The following ATG4B variants were observed in gnomAD, a reference collection of about 807,000 sequenced individuals.
The protein encoded by ATG4B is autophagy related 4B cysteine peptidase.
Under a neutral mutation model 56.6 loss-of-function variants are expected in ATG4B, and 29 were observed. The observed-to-expected ratio is 0.51, with a 90% CI of 0.38 to 0.70. ATG4B has a LOEUF of 0.70. Ranked by LOEUF, ATG4B falls within the 30% of genes least tolerant of loss-of-function variation. The pLI is 0.00. For missense variants in ATG4B, 461 were observed against 515.5 expected (o/e 0.89, Z 1.02); for synonymous variants, 224 against 206.1 (o/e 1.09, Z -0.74).
chr2:241,659,254 C>T (rs986812949), intron 7 of ATG4B, 67 bp downstream of exon 7: 6 of 1,422,202 alleles, frequency 4.2e-6, no homozygotes, highest in East Asian at 2.3e-5. Flanking sequence ...ACTTCCTCGC[C>T]TGAGTCCCCA....
At chr2:241,658,882 G>T (rs1348524857) in intron 6 of ATG4B, among the ~76,000 whole-genome samples, 1 of 152,212 alleles carries the variant, frequency 6.6e-6, no homozygotes, top group Non-Finnish European at 1.5e-5. Flanking sequence ...ATGAATGGAG[G>T]CTGGGGCAAG....
intron 10 of ATG4B, 38 bp from the exon 11 acceptor site, chr2:241,670,688 G>T (rs1309468504): frequency 6.3e-7 from 1 of 1,579,742 alleles, no homozygotes; most frequent in Admixed American, 1.8e-5. Context: ...GACTGCAGAT[G>T]GGGGTGTCGT....
chr2:241,664,155 T>C (rs1255066261), intron 7 of ATG4B, among the ~76,000 whole-genome samples: 1 of 152,076 alleles, frequency 6.6e-6, no homozygotes, highest in African/African-American at 2.4e-5. Context: ...AATTTTAAAA[T>C]TAAATTTATT....
rs113293222 is a variant in ATG4B at position 241,660,232 on chromosome 2, C to T, written c.538+1045C>T. Among the ~76,000 whole-genome samples, 334 of 152,336 alleles carry T rather than the reference C, an allele frequency of 2.2e-3. 1 individual carries two copies. The East Asian group carries it at 0.027, about 12-fold the overall frequency. Reference sequence around the variant, plus strand: ...ACCTCATTCAGAGCCACAGCCGTAACTGCGCACAGATTCACAGTGGGAGTG... The same window carrying T: ...ACCTCATTCAGAGCCACAGCCGTAATTGCGCACAGATTCACAGTGGGAGTG... On this transcript the variant is annotated intron_variant, in intron 7 of 12. Transcript: ENST00000404914.
Position 241,672,578 on chromosome 2 carries a change from A to T in ATG4B, c.*314A>T, listed in dbSNP as rs2069018426. 2.5e-6 allele frequency: 1 copy of T among 392,570 alleles called. No individual in the cohort carries two copies. Among genetic ancestry groups the T allele is most frequent in the African/African-American group, 2.0e-5 (1 of 49,478 alleles). 24.3% of individuals were successfully genotyped at this position (392,570 alleles called of 1,614,324 possible). On this transcript the variant is annotated 3_prime_UTR_variant, in exon 13 of 13. Transcript: ENST00000404914. ...CTGGGCCTCAGTCCCACTTGCTCCC[A>T]GGCGCCGGTTCTGTGGTTGGTTTGG...
chr2:241,644,389 G>A (rs928044600), intron 1 of ATG4B, among the ~76,000 whole-genome samples: 2 of 152,164 alleles, frequency 1.3e-5, no homozygotes, highest in African/African-American at 2.4e-5. Flanking sequence ...CGTGTTGGTC[G>A]ATCTGCAGAT....
chr2:241,672,041 A>C, intron 12 of ATG4B, 150 bp from the exon 13 acceptor site: 8 of 1,387,324 alleles, frequency 5.8e-6, no homozygotes, highest in East Asian at 5.7e-5. Flanking sequence ...AGGTCTGCAC[A>C]ACCCCCGGAC....
chr2:241,654,546 A>G lies in ATG4B; in HGVS notation c.284A>G (p.Asp95Gly). 1 of 1,587,214 alleles carries G rather than the reference A, an allele frequency of 6.3e-7. No homozygotes were observed. Among genetic ancestry groups the G allele is most frequent in the African/African-American group, 1.3e-5 (1 of 74,218 alleles). ...TGACCTGTAATTTTTTTTCCAATAG[A>G]TTGGAGGTGGACACAAAGGAAGAGG... ...QALVCRHLGR[D>G]WRWTQRKRQP... Residue 95 changes from aspartate (D) to glycine (G), a missense_variant and splice_region_variant, in exon 5 of 13, where the codon GAT becomes GGT. Physicochemically the swap from Asp to Gly is moderately conservative, Grantham distance 94. Transcript: ENST00000404914.
Position 241,651,053 on chromosome 2 carries a change from T to C in ATG4B, c.54T>C (p.Asp18=), listed in dbSNP as rs756738967. 5 of 1,613,962 alleles carry C rather than the reference T, an allele frequency of 3.1e-6. No individual in the cohort carries two copies. The South Asian group carries it at 5.5e-5, about 18-fold the overall frequency. Residue 18 remains aspartate, a synonymous_variant, in exon 2 of 13, where the codon GAT becomes GAC. Transcript: ENST00000404914. This position sits in a 1 kb window ranked among gnomAD's most constrained non-coding sequence, Gnocchi z 4.1. ...CTCTCCGGTTTGCTGAGTTTGAAGATTTTCCTGAGACCTCAGAGCCCGTTT... is the reference window on the plus strand; with the variant it reads ...CTCTCCGGTTTGCTGAGTTTGAAGACTTTCCTGAGACCTCAGAGCCCGTTT... The part of the protein sequence containing the change: ...YDTLRFAEFE[D]FPETSEPVWI...
intron 1 of ATG4B, among the ~76,000 whole-genome samples, chr2:241,643,663 C>CGTGTGTGTGTGTGTGTGTGTGTGT (rs369340875): frequency 7.4e-6 from 1 of 135,604 alleles, no homozygotes; most frequent in African/African-American, 2.9e-5. Flanking sequence ...TATATATATA[C>CGTGTGTGTGTGTGTGTGTGTGTGT]GTGTGTGTGT....
chr2:241,659,452 TC>T, intron 7 of ATG4B: 1 of 529,450 alleles, frequency 1.9e-6, no homozygotes, highest in African/African-American at 1.9e-5. Context: ...TGGTTACAAA[TC>T]GTTTATGAAG....
intron 3 of ATG4B, among the ~76,000 whole-genome samples, chr2:241,652,426 A>G (rs759827613): frequency 2.6e-4 from 40 of 152,368 alleles, no homozygotes; most frequent in Admixed American, 7.8e-4. Flanking sequence ...GAGGAGGTAG[A>G]GGCTGGGGAT....
rs1401300922 is a variant in ATG4B, at chr2:241,651,068, A to G, written c.69A>G (p.Ser23=). 6 of 1,613,986 alleles carry G rather than the reference A, an allele frequency of 3.7e-6. No homozygotes were observed. Among genetic ancestry groups the G allele is most frequent in the Non-Finnish European group, 5.1e-6 (6 of 1,179,878 alleles). The part of the protein sequence containing the change: ...FAEFEDFPET[S]EPVWILGRKY... ...AGTTTGAAGATTTTCCTGAGACCTC[A>G]GAGCCCGTTTGGATACTGGGTAGAA... is the stretch of plus-strand genomic sequence containing the variant. Residue 23 remains serine (S), a synonymous_variant, in exon 2 of 13, where the codon TCA becomes TCG. Transcript: ENST00000404914. The surrounding 1 kb of genome is among the most constrained non-coding windows in gnomAD (Gnocchi z 4.1).
At chr2:241,672,163 C>G in intron 12 of ATG4B, 28 bp from the exon 13 acceptor site, 5 of 1,560,164 alleles carry the variant, frequency 3.2e-6, no homozygotes, top group Admixed American at 1.9e-5. Flanking sequence ...CCCAAGATGC[C>G]TGATGCGCTA....
At chr2:241,671,972 C>T (rs2068991183) in intron 12 of ATG4B, 5 of 1,408,132 alleles carry the variant, frequency 3.6e-6, no homozygotes, top group Non-Finnish European at 4.6e-6. Context: ...GTGCCGGCCG[C>T]CCCCTGCCCT....
chr2:241,637,934 CG>C (rs2125105835), intron 1 of ATG4B, among the ~76,000 whole-genome samples: 1 of 151,596 alleles, frequency 6.6e-6, no homozygotes, highest in East Asian at 1.9e-4. Flanking sequence ...CACTGCGCCG[CG>C]GAACCCGCCG....
rs905964950 is a variant in ATG4B, at chr2:241,668,040, A to G, written c.733-103A>G. 27 of 1,136,058 alleles carry G rather than the reference A, an allele frequency of 2.4e-5. No individual in the cohort carries two copies. In the South Asian group the frequency reaches 3.3e-4, roughly 14 times the overall value. 70.4% of individuals were successfully genotyped at this position (1,136,058 alleles called of 1,614,324 possible). A position where few individuals can be genotyped will look rare whatever the true frequency, so the allele number is the denominator to read the frequency against. On this transcript the variant is annotated intron_variant, in intron 8 of 12. Transcript: ENST00000404914. This position sits in a 1 kb window ranked among gnomAD's most constrained non-coding sequence, Gnocchi z 4.2. Reference sequence around the variant, plus strand: ...GTCCCCTCCTGTCCCCTCTTGTGTCACCCAGTTGGGCCTCAGCAGGCCCTT... The same window carrying G: ...GTCCCCTCCTGTCCCCTCTTGTGTCGCCCAGTTGGGCCTCAGCAGGCCCTT...
At chr2:241,653,282 GT>G in intron 3 of ATG4B, 1 of 1,490,418 alleles carries the variant, frequency 6.7e-7, no homozygotes, top group East Asian at 2.5e-5. Flanking sequence ...TGACTGACTT[GT>G]TCATGTGTTT....
In ATG4B at chr2:241,671,326, A is replaced by G. The variant is rs1174563538; in HGVS notation, c.1029A>G (p.Gly343=). 6.2e-7 allele frequency: 1 copy of G among 1,613,228 alleles called. No homozygotes were observed. The highest frequency in any genetic ancestry group is 2.2e-5 in the East Asian group (1 of 44,858). Residue 343 remains glycine, a synonymous_variant, in exon 12 of 13, where the codon GGA becomes GGG. Coordinates refer to ENST00000404914, the MANE Select transcript of ATG4B (RefSeq NM_013325.5). ...CQQVKKLSLL[G]GALPMFELVE... ...CTCACTAACAGCTGTCTCTGCTTGG[A>G]GGTGCCCTGCCCATGTTTGAGCTGG...
Sources: allele counts gnomAD v4.1 joint callset (sites outside exome capture counted in the v4.1 genomes callset), GRCh38; gene constraint gnomAD v4.1.1; non-coding constraint Gnocchi (gnomAD v3.1); transcripts MANE v1.5; gene names NCBI Gene and HGNC (gene_info 2026-07-23, HGNC 2026-07-21).